PDE1B: variants seen among roughly 807,000 people sequenced by gnomAD.
The protein encoded by PDE1B is dual specificity calcium/calmodulin-dependent 3',5'-cyclic nucleotide phosphodiesterase 1B.
A neutral mutation model predicts 66.7 loss-of-function variants in PDE1B; 13 were observed. The ratio of observed to expected loss-of-function variants is 0.19; its 90% CI spans 0.13 to 0.31. PDE1B has a LOEUF of 0.31. Among genes scored for constraint, PDE1B ranks in the 10% least tolerant of loss-of-function variants. The pLI, the probability that PDE1B is intolerant of heterozygous loss-of-function variation, is 1.00. For synonymous variants in PDE1B, 230 were observed against 253.9 expected, an observed-to-expected ratio of 0.91 and a Z score of 0.90; for missense variants, 485 against 682.3, an observed-to-expected ratio of 0.71 and a Z score of 3.22.
At chr12:54,550,785 G>A (rs1451976476) in intron 2 of PDE1B, among the ~76,000 whole-genome samples, 1 of 152,180 alleles carries the variant, frequency 6.6e-6, no homozygotes, top group Non-Finnish European at 1.5e-5. Flanking sequence ...CAGGGCATGT[G>A]GGGAGGAATA....
At position 54,575,622 on chromosome 12, in the gene PDE1B, G is replaced by A; in HGVS notation, c.1257G>A (p.Gln419=). Residue 419 remains glutamine, a synonymous_variant, in exon 12 of 16, where the codon CAG becomes CAA. Coordinates refer to ENST00000243052, the MANE Select transcript of PDE1B (RefSeq NM_000924.4). This position sits in a 1 kb window ranked among gnomAD's most constrained non-coding sequence, Gnocchi z 4.0. ...LCDRTSTLVA[Q]SQIGFIDFIV... is the part of the protein sequence containing the mutation. The stretch of plus-strand genomic sequence containing the variant: ...ACCGCACTTCCACTCTAGTGGCACA[G>A]TCTCAGATAGGTGAGTGTCCTCTCC... The A allele has an allele frequency of 6.2e-7, 1 of 1,608,758 alleles. No individual in the cohort carries two copies.
intron 2 of PDE1B, among the ~76,000 whole-genome samples, chr12:54,557,775 G>A (rs1565692868): frequency 6.6e-6 from 1 of 152,218 alleles, no homozygotes. Context: ...GGCTGGTGGG[G>A]TGGTCCATGT....
chr12:54,576,023 C>A lies in PDE1B; in HGVS notation c.1299C>A (p.Phe433Leu). 6.2e-7 allele frequency: 1 copy of A among 1,613,852 alleles called. No individual in the cohort carries two copies. Among genetic ancestry groups the A allele is most frequent in the Non-Finnish European group, 8.5e-7 (1 of 1,179,674 alleles). The change falls in exon 13 of 16, where the codon TTC (phenylalanine) becomes TTA (leucine). Residue 433 changes from phenylalanine to leucine, a missense_variant. Physicochemically the swap from Phe to Leu is conservative, Grantham distance 22. Transcript: ENST00000243052. ...GFIDFIVEPT[F>L]SVLTDVAEKS... ...TCGACTTCATTGTGGAGCCCACATT[C>A]TCTGTGCTGACTGACGTGGCAGAGA...
intron 2 of PDE1B, among the ~76,000 whole-genome samples, chr12:54,564,442 G>A (rs777878293): frequency 6.6e-6 from 1 of 151,748 alleles, no homozygotes; most frequent in Non-Finnish European, 1.5e-5. Flanking sequence ...GAACAACCTG[G>A]GCAACATAGC....
At chr12:54,570,396 T>C (rs1463065852) in intron 6 of PDE1B, 39 bp downstream of exon 6, 1 of 1,094,268 alleles carries the variant, frequency 9.1e-7, no homozygotes, top group South Asian at 1.2e-5. Flanking sequence ...GGCAGGATTC[T>C]CCACTCCTCT....
rs1454119949 is a variant in PDE1B, at chr12:54,573,529, A to G, written c.962+49A>G. ...ATCCCTAAGAGACTCCCTTACCACA[A>G]ACTCCATTTTCCACTTCCTGGACCT... On this transcript the variant is annotated intron_variant, in intron 9 of 15. Coordinates refer to ENST00000243052, the MANE Select transcript of PDE1B (RefSeq NM_000924.4). This position sits in a 1 kb window ranked among gnomAD's most constrained non-coding sequence, Gnocchi z 5.2. 1.9e-6 allele frequency: 3 copies of G among 1,613,416 alleles called. No homozygotes were observed. Among genetic ancestry groups the G allele is most frequent in the Non-Finnish European group, 2.5e-6 (3 of 1,179,384 alleles).
chr12:54,577,269 G>C lies in PDE1B; in HGVS notation c.1552G>C (p.Glu518Gln). 2 of 1,613,862 alleles carry C rather than the reference G, an allele frequency of 1.2e-6. No individual in the cohort carries two copies. Among genetic ancestry groups the C allele is most frequent in the Non-Finnish European group, 1.7e-6 (2 of 1,179,960 alleles). Residue 518 changes from glutamate (E) to glutamine (Q), a missense_variant, in exon 15 of 16, where the codon GAA (glutamate) becomes CAA (glutamine). Physicochemically the swap from Glu to Gln is conservative, Grantham distance 29. Around this residue, in one of 4 missense-constraint regions of PDE1B, gnomAD observed 126 missense variants for 133.8 expected, o/e 0.94. Coordinates refer to ENST00000243052, the MANE Select transcript of PDE1B (RefSeq NM_000924.4). ...MSIDELSPCE[E>Q]EAPPSPAEDE... is the part of the protein sequence containing the mutation. Reference sequence around the variant, plus strand: ...CATTGACGAGCTGTCCCCCTGTGAAGAAGAGGCCCCCCCATCCCCTGCCGA... The same window carrying C: ...CATTGACGAGCTGTCCCCCTGTGAACAAGAGGCCCCCCCATCCCCTGCCGA...
chr12:54,549,629 A>G lies in PDE1B; in HGVS notation c.-157A>G. 2.1e-6 allele frequency: 1 copy of G among 470,498 alleles called. No individual in the cohort carries two copies. The highest frequency in any genetic ancestry group is 3.8e-6 in the Non-Finnish European group (1 of 266,666). 29.1% of individuals were successfully genotyped at this position (470,498 alleles called of 1,614,324 possible). A position where few individuals can be genotyped will look rare whatever the true frequency, so the allele number is the denominator to read the frequency against. ...GCGCGGCGGCGGCGGCGGTAGCGGC[A>G]GCAGCAGCGGCGGTGCGGAGAGCTT... On this transcript the variant is annotated 5_prime_UTR_variant, in exon 1 of 16. Coordinates refer to ENST00000243052, the MANE Select transcript of PDE1B (RefSeq NM_000924.4).
At chr12:54,577,667 C>A in intron 15 of PDE1B, 193 bp from the exon 16 acceptor site, 2 of 1,017,492 alleles carry the variant, frequency 2.0e-6, no homozygotes, top group Non-Finnish European at 2.7e-6. Flanking sequence ...CCAGGGCACA[C>A]AGCTCAGTGA....
chr12:54,573,856 T>TGTGAGA lies in PDE1B; in HGVS notation c.1064+148_1064+149insTGAGAG, dbSNP rs1555175895. 9.3e-5 allele frequency: 43 copies of TGTGAGA among 464,000 alleles called. No homozygotes were observed. Among genetic ancestry groups the TGTGAGA allele is most frequent in the Non-Finnish European group, 1.4e-4 (37 of 263,146 alleles). 28.7% of individuals were successfully genotyped at this position (464,000 alleles called of 1,614,324 possible). ...TCAGGTATCAGACTGCATCTCTATG[T>TGTGAGA]GAGAGAGAGAGAGAGTGTGTGTGTG... On this transcript the variant is annotated intron_variant, in intron 10 of 15. Coordinates refer to ENST00000243052, the MANE Select transcript of PDE1B (RefSeq NM_000924.4). This position sits in a 1 kb window ranked among gnomAD's most constrained non-coding sequence, Gnocchi z 5.2.
chr12:54,549,990 G>C lies in PDE1B; in HGVS notation c.113+5G>C. The C allele has an allele frequency of 6.2e-7, 1 of 1,613,744 alleles. No individual in the cohort carries two copies. The highest frequency in any genetic ancestry group is 8.5e-7 in the Non-Finnish European group (1 of 1,179,776). ...GTGGATTAAGCTTCGGTCTCTGTAAGTCCCCGGCCCGGGAATGGGGGGAAG... is the reference window on the plus strand; with the variant it reads ...GTGGATTAAGCTTCGGTCTCTGTAACTCCCCGGCCCGGGAATGGGGGGAAG... On this transcript the variant is annotated splice_donor_5th_base_variant and intron_variant, in intron 2 of 15. Transcript: ENST00000243052.
intron 2 of PDE1B, chr12:54,550,205 G>A (rs1187303276): frequency 7.2e-7 from 1 of 1,395,990 alleles, no homozygotes. Context: ...GAGTTGCAAA[G>A]GTAACGATGT....
intron 3 of PDE1B, among the ~76,000 whole-genome samples, chr12:54,567,858 A>AT (rs149465017): frequency 0.083 from 11,937 of 144,636 alleles, 643 homozygotes; most frequent in Non-Finnish European, 0.12. Context: ...ATATATATAT[A>AT]TATATTTTTT....
rs1407754271 is a variant in PDE1B at position 54,575,981 on chromosome 12, C to T, written c.1268-11C>T. On this transcript the variant is annotated splice_polypyrimidine_tract_variant and intron_variant, in intron 12 of 15. Coordinates refer to ENST00000243052, the MANE Select transcript of PDE1B (RefSeq NM_000924.4). This position sits in a 1 kb window ranked among gnomAD's most constrained non-coding sequence, Gnocchi z 4.0. ...GTAAGACATCTCTACGGCATTGCTC[C>T]TCCACTGCAGGGTTCATCGACTTCA... is the stretch of plus-strand genomic sequence containing the variant. The T allele has an allele frequency of 8.9e-6, 14 of 1,576,470 alleles. No individual in the cohort carries two copies. The highest frequency in any genetic ancestry group is 1.3e-5 in the African/African-American group (1 of 74,202).
chr12:54,575,459 A>C lies in PDE1B; in HGVS notation c.1186-92A>C, dbSNP rs535056412. 23 of 903,714 alleles carry C rather than the reference A, an allele frequency of 2.5e-5. No homozygotes were observed. Among genetic ancestry groups the C allele is most frequent in the Middle Eastern group, 2.2e-4 (1 of 4,600 alleles). The allele number at this position is 903,714 out of a possible 1,614,324, so 56.0% of individuals were successfully genotyped here. ...CAACAGTGCAGAAATTTCACACAACAACCCCCCACCCCCACCACTTGCCAC... is the reference window on the plus strand; with the variant it reads ...CAACAGTGCAGAAATTTCACACAACCACCCCCCACCCCCACCACTTGCCAC... On this transcript the variant is annotated intron_variant, in intron 11 of 15. Coordinates refer to ENST00000243052, the MANE Select transcript of PDE1B (RefSeq NM_000924.4). This position sits in a 1 kb window ranked among gnomAD's most constrained non-coding sequence, Gnocchi z 4.0.
chr12:54,553,102 T>C (rs1957299744), intron 2 of PDE1B, among the ~76,000 whole-genome samples: 1 of 152,198 alleles, frequency 6.6e-6, no homozygotes, highest in African/African-American at 2.4e-5. Context: ...CTACAGAGCT[T>C]GTAACCTGCT....
intron 6 of PDE1B, 62 bp from the exon 7 acceptor site, chr12:54,572,539 C>G: frequency 6.8e-7 from 1 of 1,478,880 alleles, no homozygotes; most frequent in South Asian, 1.2e-5. Flanking sequence ...TGATCTCGGT[C>G]CGTAATCACC....
chr12:54,575,895 A>G lies in PDE1B; in HGVS notation c.1268-97A>G. On this transcript the variant is annotated intron_variant, in intron 12 of 15. Coordinates refer to ENST00000243052, the MANE Select transcript of PDE1B (RefSeq NM_000924.4). This position sits in a 1 kb window ranked among gnomAD's most constrained non-coding sequence, Gnocchi z 4.0. ...CCAGGTTACCTCTCCATCCTCTTTC[A>G]TAAGCAGCCAGGGGTCCTGGCCATG... The G allele has an allele frequency of 1.1e-6, 1 of 938,398 alleles. No individual in the cohort carries two copies. Among genetic ancestry groups the G allele is most frequent in the African/African-American group, 1.6e-5 (1 of 62,096 alleles). 58.1% of individuals were successfully genotyped at this position (938,398 alleles called of 1,614,324 possible).
intron 6 of PDE1B, chr12:54,571,689 C>T (rs1008729473): frequency 2.0e-5 from 3 of 152,280 alleles, no homozygotes; most frequent in African/African-American, 7.2e-5. Context: ...CTCCCCTACT[C>T]CTCCCTTTTT....
Sources: allele counts gnomAD v4.1 joint callset (sites outside exome capture counted in the v4.1 genomes callset), GRCh38; gene constraint gnomAD v4.1.1; regional missense constraint gnomAD v4.1.1; non-coding constraint Gnocchi (gnomAD v3.1); transcripts MANE v1.5; gene names NCBI Gene and HGNC (gene_info 2026-07-23, HGNC 2026-07-21).